The following DRICH1 variants were observed in gnomAD, a reference collection of about 807,000 sequenced individuals.
DRICH1 encodes the protein aspartate-rich protein 1.
A neutral mutation model predicts 39.5 loss-of-function variants in DRICH1; 38 were observed. That is an observed-to-expected ratio of 0.96 (90% CI 0.74 to 1.26). DRICH1 has a LOEUF of 1.26. Ranked by LOEUF, DRICH1 falls within the 50% of genes most tolerant of loss-of-function variation. The pLI is 0.00. For missense variants in DRICH1, 279 were observed against 270.4 expected (o/e 1.03, Z -0.22); for synonymous variants, 84 against 99.5 (o/e 0.84, Z 0.93).
At chr22:23,624,810 C>G in intron 3 of DRICH1, 73 bp downstream of exon 3, 1 of 1,519,760 alleles carries the variant, frequency 6.6e-7, no homozygotes, top group Non-Finnish European at 9.1e-7. Flanking sequence ...TAACAGGAAT[C>G]CAGATTAAGG....
In DRICH1 at chr22:23,622,112, AT is replaced by A; in HGVS notation, c.362del (p.Asp121ValfsTer32). The part of the protein sequence containing the change: ...LPRSEDDDCD[D>X]DDDDDAQILP... ...TTACCTGGGCATCATCATCATCATC[AT>A]CATCACAGTCATCATCTTCACTTCG... is the stretch of plus-strand genomic sequence containing the variant. On this transcript the variant is annotated frameshift_variant, in exon 4 of 12. Coordinates refer to ENST00000317749, the MANE Select transcript of DRICH1 (RefSeq NM_016449.4). LOFTEE classifies it high-confidence loss of function. 4.3e-6 allele frequency: 7 copies of A among 1,613,844 alleles called. No homozygotes were observed. Among genetic ancestry groups the A allele is most frequent in the Non-Finnish European group, 5.1e-6 (6 of 1,179,732 alleles).
intron 11 of DRICH1, chr22:23,610,306 G>C (rs749848249): frequency 2.6e-5 from 4 of 152,278 alleles, no homozygotes; most frequent in Non-Finnish European, 5.9e-5. Context: ...TTAAGAAACT[G>C]ATACACATCT....
downstream of DRICH1, among the ~76,000 whole-genome samples, chr22:23,605,047 T>G (rs2123749153): frequency 6.6e-6 from 1 of 152,316 alleles, no homozygotes; most frequent in African/African-American, 2.4e-5. Flanking sequence ...GCGGGTCGCC[T>G]CACCACTCTG....
intron 6 of DRICH1, among the ~76,000 whole-genome samples, chr22:23,618,949 G>A (rs968802376): frequency 3.6e-4 from 54 of 152,048 alleles, no homozygotes; most frequent in African/African-American, 1.3e-3. Flanking sequence ...CGAGGTGGGG[G>A]GATCACGAGG....
intron 1 of DRICH1, among the ~76,000 whole-genome samples, chr22:23,627,073 T>G (rs1928110703): frequency 1.2e-5 from 1 of 84,028 alleles, no homozygotes; most frequent in African/African-American, 4.4e-5. Context: ...TTCTGATTTT[T>G]TTTTTTTTTT....
At chr22:23,600,456 AAGCTTCTGG>A in the DRICH1 span, among the ~76,000 whole-genome samples, 1 of 152,144 alleles carries the variant, frequency 6.6e-6, no homozygotes, top group Non-Finnish European at 1.5e-5. Flanking sequence ...GCATGAACAG[AAGCTTCTGG>A]AGCAGAAGAT....
chr22:23,629,584 T>C (rs1206506653), intron 1 of DRICH1, among the ~76,000 whole-genome samples: 24 of 152,206 alleles, frequency 1.6e-4, no homozygotes, highest in Non-Finnish European at 7.3e-5. Context: ...GGCCCTTGTC[T>C]GTCTGCTATG....
chr22:23,594,138 G>A, the DRICH1 span, among the ~76,000 whole-genome samples: 1 of 152,104 alleles, frequency 6.6e-6, no homozygotes, highest in Non-Finnish European at 1.5e-5. Flanking sequence ...ATCCCAAATT[G>A]GAGAAAGACG....
chr22:23,614,460 T>C (rs1434436672), intron 8 of DRICH1, among the ~76,000 whole-genome samples: 1 of 152,206 alleles, frequency 6.6e-6, no homozygotes, highest in African/African-American at 2.4e-5. Context: ...CCCCCAAATG[T>C]AAGTAAAATG....
rs775352865 is a variant in DRICH1, at chr22:23,622,145, G to T, written c.330C>A (p.Cys110Ter). 3.1e-6 allele frequency: 5 copies of T among 1,614,012 alleles called. No individual in the cohort carries two copies. The highest frequency in any genetic ancestry group is 4.2e-6 in the Non-Finnish European group (5 of 1,179,946). Reference sequence around the variant, plus strand: ...AGTCATCATCTTCACTTCGTGGTAGGCATACTAAACTCAGGTTGTCCTCAG... The same window carrying T: ...AGTCATCATCTTCACTTCGTGGTAGTCATACTAAACTCAGGTTGTCCTCAG... ...GSSEDNLSLVCLPRSEDDDCD... is the reference protein window; with the variant it reads ...GSSEDNLSLV The change falls in exon 4 of 12, where the codon TGC becomes TGA. Residue 110 changes from cysteine to a stop codon, truncating the protein, a stop_gained. Coordinates refer to ENST00000317749, the MANE Select transcript of DRICH1 (RefSeq NM_016449.4). LOFTEE classifies it high-confidence loss of function.
chr22:23,624,938 C>A, intron 2 of DRICH1, 34 bp from the exon 3 acceptor site: 1 of 1,609,718 alleles, frequency 6.2e-7, no homozygotes, highest in South Asian at 1.1e-5. Flanking sequence ...CTATGAGGAT[C>A]AGATCAATTC....
intron 5 of DRICH1, 87 bp downstream of exon 5, chr22:23,620,507 T>A (rs1927654936): frequency 1.4e-6 from 2 of 1,460,028 alleles, no homozygotes; most frequent in African/African-American, 1.4e-5. Flanking sequence ...ACCCCCAATA[T>A]TTTTAACAGG....
chr22:23,632,136 C>T lies in DRICH1; in HGVS notation c.-113G>A. The T allele has an allele frequency of 6.6e-7, 1 of 1,509,972 alleles. No homozygotes were observed. The highest frequency in any genetic ancestry group is 8.9e-7 in the Non-Finnish European group (1 of 1,124,534). 93.5% of individuals were successfully genotyped at this position (1,509,972 alleles called of 1,614,324 possible). A position where few individuals can be genotyped will look rare whatever the true frequency, so the allele number is the denominator to read the frequency against. On this transcript the variant is annotated 5_prime_UTR_variant, in exon 1 of 12. Transcript: ENST00000317749. ...CCCTGCACTTTTAGAAGCAGCCTGA[C>T]CCCAGGCAGATCTGGGTCCTCAGCC...
In DRICH1 at chr22:23,631,989, T is replaced by A. The variant is rs1166668289; in HGVS notation, c.35A>T (p.His12Leu). The A allele has an allele frequency of 6.2e-7, 1 of 1,613,566 alleles. No individual in the cohort carries two copies. The highest frequency in any genetic ancestry group is 2.2e-5 in the East Asian group (1 of 44,886). ...GTCCTTCCCCCTGGGCCAGCCACAG[T>A]GGGAGTTGATACAACAGGTCAGTAT... ...GNILTCCINS[H>L]CGWPRGKDAP... is the part of the protein sequence containing the mutation. Residue 12 changes from histidine to leucine, a missense_variant, in exon 1 of 12, where the codon CAC becomes CTC. By Grantham distance (99) the His-to-Leu change is moderately conservative (BLOSUM62 -3). Coordinates refer to ENST00000317749, the MANE Select transcript of DRICH1 (RefSeq NM_016449.4).
chr22:23,622,793 G>A (rs1927834210), intron 3 of DRICH1, among the ~76,000 whole-genome samples: 1 of 152,116 alleles, frequency 6.6e-6, no homozygotes, highest in Non-Finnish European at 1.5e-5. Flanking sequence ...CTGTAATCAA[G>A]GGCTTCATCA....
chr22:23,630,752 C>T (rs759929954), intron 1 of DRICH1: 1 of 152,192 alleles, frequency 6.6e-6, no homozygotes, highest in Non-Finnish European at 1.5e-5. Context: ...TCCAGGGACT[C>T]TAGTGGATGA....
At chr22:23,629,528 G>A (rs1289908522) in intron 1 of DRICH1, among the ~76,000 whole-genome samples, 2 of 152,238 alleles carry the variant, frequency 1.3e-5, no homozygotes, top group East Asian at 1.9e-4. Flanking sequence ...GAGGGTGATC[G>A]GCACCAGGCT....
At chr22:23,608,829 A>G (rs1926878040) in intron 11 of DRICH1, 61 bp from the exon 12 acceptor site, 1 of 1,535,198 alleles carries the variant, frequency 6.5e-7, no homozygotes. Flanking sequence ...GCACTATGAC[A>G]TCATCCCACT....
At chr22:23,597,680 G>A in the DRICH1 span, among the ~76,000 whole-genome samples, 4 of 150,376 alleles carry the variant, frequency 2.7e-5, no homozygotes, top group Admixed American at 2.0e-4. Flanking sequence ...AGTCAAAGAG[G>A]GTCCTGGAAG....
Sources: allele counts gnomAD v4.1 joint callset (sites outside exome capture counted in the v4.1 genomes callset), GRCh38; gene constraint gnomAD v4.1.1; transcripts MANE v1.5; gene names NCBI Gene and HGNC (gene_info 2026-07-23, HGNC 2026-07-21).